DIP2B: variants seen among roughly 807,000 people sequenced by gnomAD.
DIP2B encodes the protein DIP2 acetate--CoA ligase B (putative), also known as disco-interacting protein 2 homolog B.
Under a neutral mutation model 198.0 loss-of-function variants are expected in DIP2B, and 76 were observed. The observed-to-expected ratio is 0.38, with a 90% CI of 0.32 to 0.46. The LOEUF (loss-of-function observed/expected upper bound fraction) is 0.46. Ranked by LOEUF, DIP2B falls within the 20% of genes least tolerant of loss-of-function variation. The probability of loss-of-function intolerance (pLI) is 0.99; values close to 1 mark genes in which losing one functional copy is unlikely to be tolerated. For synonymous variants in DIP2B, 701 were observed against 739.1 expected, an observed-to-expected ratio of 0.95 and a Z score of 0.84; for missense variants, 1,559 against 1,978.4, an observed-to-expected ratio of 0.79 and a Z score of 4.02.
chr12:50,634,061 C>T (rs1175193158), intron 2 of DIP2B, among the ~76,000 whole-genome samples: 1 of 152,182 alleles, frequency 6.6e-6, no homozygotes, highest in Non-Finnish European at 1.5e-5. Context: ...ATTCACACCT[C>T]CCATCTCTTG....
intron 1 of DIP2B, among the ~76,000 whole-genome samples, chr12:50,579,364 ACACT>A (rs2139417062): frequency 6.6e-6 from 1 of 151,692 alleles, no homozygotes; most frequent in South Asian, 2.1e-4. Context: ...TGTAATCCCA[ACACT>A]TTGGGAGGCC....
chr12:50,560,563 G>A (rs529617516), intron 1 of DIP2B, among the ~76,000 whole-genome samples: 15 of 151,746 alleles, frequency 9.9e-5, no homozygotes, highest in African/African-American at 3.4e-4. Flanking sequence ...TGTCTAAAAA[G>A]AGAAAGCAAA....
intron 1 of DIP2B, among the ~76,000 whole-genome samples, chr12:50,555,262 T>C (rs1264911577): frequency 6.6e-6 from 1 of 152,130 alleles, no homozygotes; most frequent in East Asian, 1.9e-4. Context: ...TTTCTTATCT[T>C]CCTGTTTATA....
chr12:50,590,569 C>T (rs1480712506), intron 1 of DIP2B, among the ~76,000 whole-genome samples: 16 of 151,928 alleles, frequency 1.1e-4, no homozygotes. Flanking sequence ...GGGGTTTCAC[C>T]ATGTTGGCCA....
chr12:50,708,277 T>C lies in DIP2B; in HGVS notation c.2535-171T>C, dbSNP rs377431660. On this transcript the variant is annotated intron_variant, in intron 21 of 37. Coordinates refer to ENST00000301180, the MANE Select transcript of DIP2B (RefSeq NM_173602.3). The stretch of plus-strand genomic sequence containing the variant: ...TGACAGTTGTGCTTAATACATATTA[T>C]TTAAATGAATGAATGCTCATTTTGA... Among the ~76,000 whole-genome samples, 18 of 152,388 alleles carry C rather than the reference T, an allele frequency of 1.2e-4. No homozygotes were observed. The East Asian group carries it at 1.5e-3, about 13-fold the overall frequency.
chr12:50,526,478 G>A (rs1958165753), intron 1 of DIP2B, among the ~76,000 whole-genome samples: 1 of 152,038 alleles, frequency 6.6e-6, no homozygotes, highest in East Asian at 1.9e-4. Flanking sequence ...TATTTATTAT[G>A]CAAATACTTT....
chr12:50,614,523 C>G (rs1045063466), intron 1 of DIP2B, among the ~76,000 whole-genome samples: 1 of 152,196 alleles, frequency 6.6e-6, no homozygotes, highest in Admixed American at 6.5e-5. Flanking sequence ...TGGATATCCT[C>G]CCTTGTTTTT....
chr12:50,647,871 T>C (rs1238550051), intron 3 of DIP2B, among the ~76,000 whole-genome samples: 1 of 152,084 alleles, frequency 6.6e-6, no homozygotes, highest in African/African-American at 2.4e-5. Flanking sequence ...TCCTAGCATT[T>C]TGGGAGGCCG....
intron 1 of DIP2B, among the ~76,000 whole-genome samples, chr12:50,561,639 G>C (rs552008488): frequency 6.6e-6 from 1 of 152,106 alleles, no homozygotes. Context: ...AGACAGAGTC[G>C]CTTTGTTGCC....
intron 1 of DIP2B, among the ~76,000 whole-genome samples, chr12:50,548,931 T>C (rs1226356083): frequency 2.0e-5 from 3 of 152,230 alleles, no homozygotes; most frequent in Non-Finnish European, 4.4e-5. Context: ...TCAGAAAATG[T>C]GCAGTTTTCT....
intron 8 of DIP2B, chr12:50,679,870 T>C (rs368202594): frequency 3.9e-5 from 6 of 152,234 alleles, no homozygotes; most frequent in Non-Finnish European, 7.3e-5. Flanking sequence ...TTGAGTCATG[T>C]TTTTGCTTTG....
intron 22 of DIP2B, among the ~76,000 whole-genome samples, chr12:50,710,266 G>A (rs905332771): frequency 2.0e-5 from 3 of 152,210 alleles, no homozygotes; most frequent in African/African-American, 4.8e-5. Context: ...TCCAAAGAAA[G>A]TGTGGCCTGT....
chr12:50,597,507 A>T (rs1958888807), intron 1 of DIP2B, among the ~76,000 whole-genome samples: 1 of 152,226 alleles, frequency 6.6e-6, no homozygotes, highest in African/African-American at 2.4e-5. Context: ...TAGCACCATT[A>T]GGTGGTGCTG....
chr12:50,667,015 C>G (rs1214281039), intron 4 of DIP2B, among the ~76,000 whole-genome samples: 1 of 152,180 alleles, frequency 6.6e-6, no homozygotes, highest in Non-Finnish European at 1.5e-5. Flanking sequence ...ACTATAGGCA[C>G]ACACCACCAC....
At chr12:50,531,575 C>G (rs1191628464) in intron 1 of DIP2B, among the ~76,000 whole-genome samples, 1 of 152,130 alleles carries the variant, frequency 6.6e-6, no homozygotes, top group Non-Finnish European at 1.5e-5. Flanking sequence ...TTGGTGGTGA[C>G]CTTTGCCTAA....
At chr12:50,565,948 C>G (rs1593613943) in intron 1 of DIP2B, among the ~76,000 whole-genome samples, 1 of 149,226 alleles carries the variant, frequency 6.7e-6, no homozygotes, top group African/African-American at 2.5e-5. Context: ...TCCATTTCAT[C>G]TTTTTTTTTT....
chr12:50,693,133 A>G, intron 14 of DIP2B, 120 bp downstream of exon 14: 6 of 981,214 alleles, frequency 6.1e-6, no homozygotes, highest in South Asian at 3.3e-5. Flanking sequence ...AAGGTCAGTA[A>G]TATTTTCCAG....
intron 1 of DIP2B, among the ~76,000 whole-genome samples, chr12:50,611,928 G>A (rs963507073): frequency 1.3e-5 from 2 of 151,948 alleles, no homozygotes; most frequent in Admixed American, 6.6e-5. Flanking sequence ...GCCAGGCGTG[G>A]TGGCTCTTGC....
At chr12:50,627,476 G>A (rs368630534) in intron 2 of DIP2B, among the ~76,000 whole-genome samples, 30 of 152,278 alleles carry the variant, frequency 2.0e-4, no homozygotes, top group African/African-American at 6.0e-4. Context: ...TGGAACTACA[G>A]GTGTGCGCCA....
Sources: allele counts gnomAD v4.1 joint callset (sites outside exome capture counted in the v4.1 genomes callset), GRCh38; gene constraint gnomAD v4.1.1; transcripts MANE v1.5; gene names NCBI Gene and HGNC (gene_info 2026-07-23, HGNC 2026-07-21).